ELP4: variants seen among roughly 807,000 people sequenced by gnomAD.
ELP4 encodes the protein elongator acetyltransferase complex subunit 4.
ELP4 carries 51 observed loss-of-function variants against 48.9 expected under a neutral mutation model. The ratio of observed to expected loss-of-function variants is 1.04; its 90% CI spans 0.83 to 1.32. The LOEUF (loss-of-function observed/expected upper bound fraction) is 1.32. ELP4 is among the 40% of genes most tolerant of loss of function. The pLI, the probability that ELP4 is intolerant of heterozygous loss-of-function variation, is 0.00. For synonymous variants in ELP4, 210 were observed against 189.2 expected, an observed-to-expected ratio of 1.11 and a Z score of -0.90; for missense variants, 519 against 514.6, an observed-to-expected ratio of 1.01 and a Z score of -0.08.
chr11:31,650,063 C>T, intron 8 of ELP4, 52 bp from the exon 9 acceptor site: 4 of 722,008 alleles, frequency 5.5e-6, no homozygotes, highest in South Asian at 1.7e-5. Flanking sequence ...TTAATTTATG[C>T]ATCTGATGAC....
Position 31,549,437 on chromosome 11 carries a change from A to G in ELP4, c.381+9654A>G, listed in dbSNP as rs1956798519. Among the ~76,000 whole-genome samples the G allele has an allele frequency of 2.0e-5, 3 of 152,306 alleles. No homozygotes were observed. The South Asian group carries it at 6.2e-4, about 32-fold the overall frequency. On this transcript the variant is annotated intron_variant, in intron 3 of 9. Transcript: ENST00000640961. ...AAATGCATATCAAAACCACAATGAG[A>G]TATCATCTCACACCAGTTAGAATGG...
chr11:31,661,117 A>G (rs1945546824), intron 9 of ELP4, among the ~76,000 whole-genome samples: 1 of 152,050 alleles, frequency 6.6e-6, no homozygotes, highest in Non-Finnish European at 1.5e-5. Context: ...ATACTTGCAT[A>G]TTCAGACACA....
At chr11:31,545,098 T>A (rs964538555) in intron 3 of ELP4, among the ~76,000 whole-genome samples, 2 of 152,126 alleles carry the variant, frequency 1.3e-5, no homozygotes, top group Admixed American at 6.5e-5. Context: ...CTCAAAAGGA[T>A]TGCAGTTCCT....
intron 2 of ELP4, among the ~76,000 whole-genome samples, chr11:31,537,417 G>GAAATA (rs1956518948): frequency 6.6e-6 from 1 of 152,064 alleles, no homozygotes; most frequent in African/African-American, 2.4e-5. Context: ...AGTAAGTCTT[G>GAAATA]AAATAAAATG....
At chr11:31,628,117 C>A (rs1354653475) in intron 6 of ELP4, 2 of 151,980 alleles carry the variant, frequency 1.3e-5, no homozygotes, top group Non-Finnish European at 2.9e-5. Context: ...GGTGACTTTT[C>A]ATGTATGTCA....
chr11:31,681,822 A>C (rs1383770787), intron 9 of ELP4: 1 of 218,618 alleles, frequency 4.6e-6, no homozygotes, highest in Non-Finnish European at 9.4e-6. Flanking sequence ...GCTCACGGCA[A>C]CCTCGCCTCC....
At chr11:31,527,420 T>C (rs1956314195) in intron 2 of ELP4, among the ~76,000 whole-genome samples, 1 of 151,920 alleles carries the variant, frequency 6.6e-6, no homozygotes, top group Non-Finnish European at 1.5e-5. Context: ...AAATATCTTA[T>C]AGACATCTAA....
intron 3 of ELP4, among the ~76,000 whole-genome samples, chr11:31,585,641 G>A (rs1237670101): frequency 6.6e-6 from 1 of 152,046 alleles, no homozygotes; most frequent in East Asian, 1.9e-4. Context: ...ATGAATTCAA[G>A]AAAATAAAAT....
In ELP4 at chr11:31,783,728, C is replaced by A; in HGVS notation, c.*204C>A. 1 of 450,774 alleles carries A rather than the reference C, an allele frequency of 2.2e-6. No homozygotes were observed. 27.9% of individuals were successfully genotyped at this position (450,774 alleles called of 1,614,324 possible). On this transcript the variant is annotated 3_prime_UTR_variant, in exon 10 of 10. Transcript: ENST00000640961. ...TACTTTTAAATTTTTCCTTCATGCT[C>A]TAGAGAAAATAATTTTATTTTTAAA...
At chr11:31,763,311 A>G in intron 9 of ELP4, 1 of 1,087,574 alleles carries the variant, frequency 9.2e-7, no homozygotes, top group Non-Finnish European at 1.3e-6. Context: ...TACACAATTG[A>G]GAAAGAAAAT....
intron 9 of ELP4, among the ~76,000 whole-genome samples, chr11:31,660,804 A>G (rs917850979): frequency 2.0e-5 from 3 of 152,086 alleles, no homozygotes; most frequent in South Asian, 2.1e-4. Flanking sequence ...TTTGTCATGC[A>G]TAAGTATGAA....
chr11:31,518,224 A>C (rs1956152865), intron 1 of ELP4, among the ~76,000 whole-genome samples: 1 of 150,952 alleles, frequency 6.6e-6, no homozygotes, highest in Middle Eastern at 3.2e-3. Flanking sequence ...CTCCTGCCTC[A>C]GCCTCCTGCG....
At chr11:31,741,245 G>A (rs563321992) in intron 9 of ELP4, among the ~76,000 whole-genome samples, 37 of 152,188 alleles carry the variant, frequency 2.4e-4, no homozygotes, top group Non-Finnish European at 2.1e-4. Flanking sequence ...CAAAGCGGCC[G>A]GTAAGCTGGA....
chr11:31,671,560 A>C (rs1945808475), intron 9 of ELP4, among the ~76,000 whole-genome samples: 1 of 152,200 alleles, frequency 6.6e-6, no homozygotes, highest in Non-Finnish European at 1.5e-5. Flanking sequence ...TGTCTTTATA[A>C]ACAAGGTATT....
At chr11:31,727,360 T>C (rs1947097212) in intron 9 of ELP4, among the ~76,000 whole-genome samples, 2 of 152,128 alleles carry the variant, frequency 1.3e-5, no homozygotes, top group African/African-American at 4.8e-5. Flanking sequence ...GACTAGGTAG[T>C]TTATGGGAGA....
rs951125835 is a variant in ELP4 at position 31,785,293 on chromosome 11, G to A, written c.*1769G>A. ...TAATAACTCTAACCTTTTTCTTACCGTGTTGATTCATTTTATACAACACAC... is the reference window on the plus strand; with the variant it reads ...TAATAACTCTAACCTTTTTCTTACCATGTTGATTCATTTTATACAACACAC... On this transcript the variant is annotated 3_prime_UTR_variant, in exon 10 of 10. Transcript: ENST00000640961. 1.1e-5 allele frequency: 2 copies of A among 182,364 alleles called. No individual in the cohort carries two copies. Among genetic ancestry groups the A allele is most frequent in the Middle Eastern group, 2.0e-3 (1 of 500 alleles). The allele number at this position is 182,364 out of a possible 1,614,324, so 11.3% of individuals were successfully genotyped here. A position where few individuals can be genotyped will look rare whatever the true frequency, so the allele number is the denominator to read the frequency against.
intron 7 of ELP4, chr11:31,633,521 A>T (rs969870962): frequency 2.0e-5 from 3 of 152,042 alleles, no homozygotes; most frequent in African/African-American, 7.2e-5. Context: ...GTTTTCCTTG[A>T]AGGGCTTTTT....
At chr11:31,653,660 G>A (rs751129380) in intron 9 of ELP4, 2 of 151,656 alleles carry the variant, frequency 1.3e-5, no homozygotes, top group Non-Finnish European at 3.0e-5. Flanking sequence ...TGAAATGTAT[G>A]TAATATAGAT....
At chr11:31,673,051 C>A (rs1001447212) in intron 9 of ELP4, among the ~76,000 whole-genome samples, 9 of 152,034 alleles carry the variant, frequency 5.9e-5, no homozygotes, top group African/African-American at 2.2e-4. Context: ...GAGTCTCCCT[C>A]TGTCACCCAG....
Sources: gnomAD v4.1 joint callset for allele counts (sites outside exome capture counted in the v4.1 genomes callset) on GRCh38, gnomAD v4.1.1 for gene constraint, MANE v1.5 for transcripts, NCBI Gene and HGNC (gene_info 2026-07-23, HGNC 2026-07-21) for gene names.